The following RNF150 variants were observed in gnomAD, a reference collection of about 807,000 sequenced individuals.
The protein encoded by RNF150 is ring finger protein 150.
A neutral mutation model predicts 39.3 loss-of-function variants in RNF150; 24 were observed. That is an observed-to-expected ratio of 0.61 (90% confidence interval 0.44 to 0.86). RNF150 has a LOEUF of 0.86. Ranked by LOEUF, RNF150 falls within the 40% of genes least tolerant of loss-of-function variation. RNF150 has a pLI of 0.00. For missense variants in RNF150, 502 were observed against 587.8 expected, an observed-to-expected ratio of 0.85 and a Z score of 1.51; for synonymous variants, 255 against 227.3, an observed-to-expected ratio of 1.12 and a Z score of -1.10.
chr4:140,959,205 A>G (rs537266347), intron 2 of RNF150, among the ~76,000 whole-genome samples: 70 of 152,188 alleles, frequency 4.6e-4, no homozygotes, highest in African/African-American at 1.6e-3. Context: ...CACCAAAACC[A>G]TTGTTAGATA....
At chr4:141,153,869 G>A (rs888577330) in intron 1 of RNF150, among the ~76,000 whole-genome samples, 7 of 152,188 alleles carry the variant, frequency 4.6e-5, no homozygotes, top group Admixed American at 1.3e-4. Flanking sequence ...GTATGCAGCA[G>A]TGAGCATACA....
At position 141,132,615 on chromosome 4, in the gene RNF150, G is replaced by GCGCCGC; in HGVS notation, c.188_193dup (p.Gly63_Gly64dup). 1 of 1,537,870 alleles carries GCGCCGC rather than the reference G, an allele frequency of 6.5e-7. No homozygotes were observed. The highest frequency in any genetic ancestry group is 8.7e-7 in the Non-Finnish European group (1 of 1,144,884). On this transcript the variant is annotated inframe_insertion, in exon 1 of 7. Coordinates refer to ENST00000515673, the MANE Select transcript of RNF150 (RefSeq NM_020724.2). The surrounding 1 kb of genome is among the most constrained non-coding windows in gnomAD (Gnocchi z 4.9). ...CTCCGTCTTCTCCGTGTGCAGCTCC[G>GCGCCGC]CGCCGCCGCCGCCCGCCGCCCCGGC...
intron 1 of RNF150, among the ~76,000 whole-genome samples, chr4:141,111,110 A>G (rs1207631036): frequency 6.6e-6 from 1 of 152,184 alleles, no homozygotes; most frequent in African/African-American, 2.4e-5. Context: ...CAGGGCAACA[A>G]TGAATTATCA....
chr4:140,891,223 A>G (rs1729743028), intron 6 of RNF150, among the ~76,000 whole-genome samples: 1 of 152,168 alleles, frequency 6.6e-6, no homozygotes, highest in Non-Finnish European at 1.5e-5. Flanking sequence ...ATTATATTTG[A>G]TTTAGTTTCC....
At chr4:141,047,037 T>A (rs570241261) in intron 1 of RNF150, among the ~76,000 whole-genome samples, 81 of 152,170 alleles carry the variant, frequency 5.3e-4, no homozygotes, top group African/African-American at 1.8e-3. Flanking sequence ...TTAAATCTAT[T>A]ATGACTCAGA....
intron 1 of RNF150, among the ~76,000 whole-genome samples, chr4:141,167,674 CA>C (rs1727627284): frequency 6.6e-6 from 1 of 151,934 alleles, no homozygotes; most frequent in Non-Finnish European, 1.5e-5. Flanking sequence ...ACAAACCTGA[CA>C]AAAAGAAACA....
chr4:141,024,773 T>C (rs886570742), intron 1 of RNF150, among the ~76,000 whole-genome samples: 1 of 152,134 alleles, frequency 6.6e-6, no homozygotes, highest in African/African-American at 2.4e-5. Flanking sequence ...CAGAAGTACA[T>C]TTTCCATACA....
At chr4:140,935,022 A>T (rs1246625962) in intron 4 of RNF150, among the ~76,000 whole-genome samples, 7 of 41,860 alleles carry the variant, frequency 1.7e-4, no homozygotes, top group Non-Finnish European at 2.2e-4. Context: ...TATATATATT[A>T]TATATTTATA....
At chr4:141,189,150 G>A (rs910226973) in intron 1 of RNF150, among the ~76,000 whole-genome samples, 2 of 147,044 alleles carry the variant, frequency 1.4e-5, no homozygotes, top group African/African-American at 2.4e-5. Flanking sequence ...CTGCAGGTCT[G>A]CTGGAGTTTG....
chr4:141,104,216 A>G (rs1316777470), intron 1 of RNF150, among the ~76,000 whole-genome samples: 1 of 152,154 alleles, frequency 6.6e-6, no homozygotes, highest in Non-Finnish European at 1.5e-5. Context: ...AAGAATGAAG[A>G]TGACTCCAAT....
chr4:141,175,143 C>T (rs556269490), intron 1 of RNF150, among the ~76,000 whole-genome samples: 6 of 152,244 alleles, frequency 3.9e-5, no homozygotes, highest in East Asian at 3.9e-4. Context: ...ATGGTGGGAA[C>T]GAACAAACGG....
At chr4:140,960,551 T>A (rs1354777684) in intron 2 of RNF150, among the ~76,000 whole-genome samples, 1 of 152,152 alleles carries the variant, frequency 6.6e-6, no homozygotes, top group Non-Finnish European at 1.5e-5. Context: ...ATTTTCAGAT[T>A]CCCTCACTCC....
chr4:141,183,883 A>G (rs1405587966), intron 1 of RNF150, among the ~76,000 whole-genome samples: 2 of 152,156 alleles, frequency 1.3e-5, no homozygotes, highest in African/African-American at 4.8e-5. Flanking sequence ...TATATGTGCC[A>G]TATTTTCTTT....
chr4:141,133,670 T>C, upstream of RNF150, among the ~76,000 whole-genome samples: 1 of 152,068 alleles, frequency 6.6e-6, no homozygotes, highest in Non-Finnish European at 1.5e-5. Flanking sequence ...CCCTCGACCT[T>C]TGAGTACGGG....
chr4:141,196,440 T>C (rs1306963963), intron 1 of RNF150, among the ~76,000 whole-genome samples: 1 of 152,174 alleles, frequency 6.6e-6, no homozygotes, highest in Non-Finnish European at 1.5e-5. Flanking sequence ...TGCCCCAGTG[T>C]CAGCAGTAAT....
intron 4 of RNF150, among the ~76,000 whole-genome samples, chr4:140,936,425 G>A (rs1731865582): frequency 6.6e-6 from 1 of 152,086 alleles, no homozygotes; most frequent in South Asian, 2.1e-4. Context: ...ATTTGGCCAA[G>A]TATATAAAAT....
At chr4:141,094,542 G>A (rs75571391) in intron 1 of RNF150, among the ~76,000 whole-genome samples, 3,453 of 152,354 alleles carry the variant, frequency 0.023, 70 homozygotes, top group Non-Finnish European at 0.036. Context: ...TGTTACCGTG[G>A]TAGTGGATTT....
At chr4:141,150,638 G>A (rs73849850) in intron 1 of RNF150, among the ~76,000 whole-genome samples, 5,117 of 152,262 alleles carry the variant, frequency 0.034, 306 homozygotes, top group African/African-American at 0.11. Context: ...GAATGGAAAA[G>A]AGACACTGTC....
In RNF150 at chr4:140,890,395, T is replaced by G. The variant is rs528906150; in HGVS notation, c.1198+20749A>C. ...AGGTTATTTACAATATTTTTCACTA[T>G]TATAACAATTTTTCCCTGTACATGT... On this transcript the variant is annotated intron_variant, in intron 6 of 6. Transcript: ENST00000515673. 2.0e-5 allele frequency among the ~76,000 whole-genome samples: 3 copies of G among 152,336 alleles called. No homozygotes were observed. In the South Asian group the frequency reaches 6.2e-4, roughly 32 times the overall value.
Sources: allele counts gnomAD v4.1 joint callset (sites outside exome capture counted in the v4.1 genomes callset), GRCh38; gene constraint gnomAD v4.1.1; non-coding constraint Gnocchi (gnomAD v3.1); transcripts MANE v1.5; gene names NCBI Gene and HGNC (gene_info 2026-07-23, HGNC 2026-07-21).